ACER1: variants seen among roughly 807,000 people sequenced by gnomAD.
The protein encoded by ACER1 is CTB-180A7.3.
Under a neutral mutation model 24.9 loss-of-function variants are expected in ACER1, and 28 were observed. That is an observed-to-expected ratio of 1.13 (90% CI 0.83 to 1.54). ACER1 has a LOEUF of 1.54. ACER1 is among the 40% of genes most tolerant of loss of function. ACER1 has a pLI of 0.00. For synonymous variants in ACER1, 132 were observed against 131.4 expected, an observed-to-expected ratio of 1.00 and a Z score of -0.03; for missense variants, 352 against 349.3, an observed-to-expected ratio of 1.01 and a Z score of -0.06.
At chr19:6,328,833 A>AT (rs147803168) in intron 1 of ACER1, among the ~76,000 whole-genome samples, 22,543 of 145,248 alleles carry the variant, frequency 0.16, 3,018 homozygotes, top group African/African-American at 0.37. Context: ...TGCCTGGCTA[A>AT]TTTTTTTTTT....
upstream of ACER1, among the ~76,000 whole-genome samples, chr19:6,337,058 C>T (rs533970485): frequency 6.6e-6 from 1 of 151,884 alleles, no homozygotes; most frequent in South Asian, 2.1e-4. Flanking sequence ...CGCCTGTAAT[C>T]TCAGCTACTC....
chr19:6,337,723 T>A (rs1385177103), upstream of ACER1, among the ~76,000 whole-genome samples: 1 of 131,652 alleles, frequency 7.6e-6, no homozygotes, highest in Admixed American at 8.4e-5. Context: ...TCGCCCAGGC[T>A]GGAGTGCAGT....
intron 1 of ACER1, among the ~76,000 whole-genome samples, chr19:6,327,966 C>T (rs1272459844): frequency 6.6e-6 from 1 of 151,476 alleles, no homozygotes; most frequent in African/African-American, 2.4e-5. Flanking sequence ...ATCCCAGCTA[C>T]TCGGGAGGTT....
At chr19:6,341,291 C>G in the ACER1 span, among the ~76,000 whole-genome samples, 1 of 149,800 alleles carries the variant, frequency 6.7e-6, no homozygotes, top group Non-Finnish European at 1.5e-5. Context: ...GCCTGGGCAA[C>G]AGAGCGAGAC....
At chr19:6,314,642 T>C (rs2091594919) in intron 1 of ACER1, among the ~76,000 whole-genome samples, 1 of 152,084 alleles carries the variant, frequency 6.6e-6, no homozygotes, top group Non-Finnish European at 1.5e-5. Flanking sequence ...GAAATGTAAA[T>C]GGGTACAACC....
intron 1 of ACER1, among the ~76,000 whole-genome samples, chr19:6,315,165 G>A (rs2091597139): frequency 6.6e-6 from 1 of 151,356 alleles, no homozygotes; most frequent in Non-Finnish European, 1.5e-5. Flanking sequence ...TTACAGGTGT[G>A]AGCCACTGCA....
chr19:6,312,775 G>A (rs1220896770), intron 1 of ACER1, among the ~76,000 whole-genome samples: 2 of 150,686 alleles, frequency 1.3e-5, no homozygotes, highest in Non-Finnish European at 2.9e-5. Context: ...TCCCAGGTTC[G>A]AGCGATTCTC....
intron 1 of ACER1, among the ~76,000 whole-genome samples, chr19:6,314,782 A>G (rs1459300797): frequency 6.6e-6 from 1 of 152,204 alleles, no homozygotes; most frequent in East Asian, 1.9e-4. Context: ...CTGCGTTCAT[A>G]TGTTTATTGC....
chr19:6,311,697 TAGAAGG>T (rs1296952051), intron 3 of ACER1, among the ~76,000 whole-genome samples: 1 of 149,834 alleles, frequency 6.7e-6, no homozygotes, highest in Non-Finnish European at 1.5e-5. Context: ...GGTGGAAAAG[TAGAAGG>T]AGAAGGAGAT....
At chr19:6,341,871 T>C in the ACER1 span, among the ~76,000 whole-genome samples, 8,493 of 152,226 alleles carry the variant, frequency 0.056, 391 homozygotes, top group African/African-American at 0.13. Flanking sequence ...CCTCATAATC[T>C]GCCTGCCTTG....
the ACER1 span, among the ~76,000 whole-genome samples, chr19:6,351,625 C>A: frequency 6.6e-6 from 1 of 151,492 alleles, no homozygotes; most frequent in Non-Finnish European, 1.5e-5. Flanking sequence ...CCCAGCTACT[C>A]AGGAGGCTGA....
At chr19:6,338,389 A>G (rs1331668891), upstream of ACER1, among the ~76,000 whole-genome samples, 1 of 152,266 alleles carries the variant, frequency 6.6e-6, no homozygotes. Flanking sequence ...TGAGAAAATG[A>G]AAAGAAAATT....
chr19:6,347,109 A>AAAAAAAAAAAAAAAATATAT, the ACER1 span, among the ~76,000 whole-genome samples: 3 of 113,822 alleles, frequency 2.6e-5, no homozygotes, highest in African/African-American at 1.5e-4. Context: ...AAAAAAAAAA[A>AAAAAAAAAAAAAAAATATAT]ATATATATAT....
chr19:6,350,424 A>G, the ACER1 span, among the ~76,000 whole-genome samples: 9,075 of 151,690 alleles, frequency 0.06, 396 homozygotes, highest in African/African-American at 0.12. Flanking sequence ...AAAAAAAATT[A>G]GCTGGGCATG....
the ACER1 span, among the ~76,000 whole-genome samples, chr19:6,352,122 C>G: frequency 6.6e-6 from 1 of 151,940 alleles, no homozygotes; most frequent in Non-Finnish European, 1.5e-5. Flanking sequence ...ATTTGCAATT[C>G]TTTGCTAACG....
the ACER1 span, among the ~76,000 whole-genome samples, chr19:6,345,283 C>G: frequency 3.3e-5 from 5 of 152,144 alleles, no homozygotes; most frequent in Non-Finnish European, 7.3e-5. Context: ...TCTATGGCTA[C>G]TTTTATGCTA....
the ACER1 span, among the ~76,000 whole-genome samples, chr19:6,338,850 C>CA: frequency 2.0e-5 from 3 of 152,014 alleles, no homozygotes; most frequent in African/African-American, 7.2e-5. Context: ...GCTAGAATTA[C>CA]ATGTGTGAGC....
chr19:6,318,560 GA>G (rs2091614644), intron 1 of ACER1, among the ~76,000 whole-genome samples: 2 of 148,466 alleles, frequency 1.3e-5, no homozygotes, highest in Non-Finnish European at 3.0e-5. Flanking sequence ...GGCGGATCAT[GA>G]GGTCACGAGA....
chr19:6,315,242 T>G, intron 1 of ACER1, among the ~76,000 whole-genome samples: 1 of 151,482 alleles, frequency 6.6e-6, no homozygotes. Flanking sequence ...CTCTCTCTGT[T>G]GCCGAGGCTG....
Sources: gnomAD v4.1 joint callset for allele counts (sites outside exome capture counted in the v4.1 genomes callset) on GRCh38, gnomAD v4.1.1 for gene constraint, MANE v1.5 for transcripts, NCBI Gene and HGNC (gene_info 2026-07-23, HGNC 2026-07-21) for gene names.